Variants in PHKG2 observed in about 807,000 individuals in gnomAD.
The protein encoded by PHKG2 is phosphorylase b kinase gamma catalytic chain, liver/testis isoform.
A neutral mutation model predicts 44.5 loss-of-function variants in PHKG2; 28 were observed. That is an observed-to-expected ratio of 0.63 (90% CI 0.47 to 0.86). The LOEUF is 0.86. Ranked by LOEUF, PHKG2 falls within the 40% of genes least tolerant of loss-of-function variation. The pLI, the probability that PHKG2 is intolerant of heterozygous loss-of-function variation, is 0.00. For synonymous variants in PHKG2, 220 were observed against 211.2 expected, an observed-to-expected ratio of 1.04 and a Z score of -0.36; for missense variants, 498 against 547.5, an observed-to-expected ratio of 0.91 and a Z score of 0.90.
chr16:30,751,531 C>G lies in PHKG2; in HGVS notation c.272-18C>G. The G allele has an allele frequency of 6.2e-7, 1 of 1,609,866 alleles. No homozygotes were observed. Among genetic ancestry groups the G allele is most frequent in the Non-Finnish European group, 8.5e-7 (1 of 1,176,086 alleles). ...CCTTTCCATCTCTGTCTCTCTGCCT[C>G]TCTTCCTCTCTCCCTAGTCACCCTC... On this transcript the variant is annotated intron_variant, in intron 3 of 9. Transcript: ENST00000563588.
In PHKG2 at chr16:30,758,072, C is replaced by CTT. The variant is rs374158229; in HGVS notation, c.*991_*992dup. On this transcript the variant is annotated 3_prime_UTR_variant, in exon 10 of 10. Coordinates refer to ENST00000563588, the MANE Select transcript of PHKG2 (RefSeq NM_000294.3). ...TGGCTGTTATTGTCATTGGCTTTCT[C>CTT]TTTTTTTTTTTTTTTTTGAGATGGA... 123 of 140,226 alleles carry CTT rather than the reference C, an allele frequency of 8.8e-4. No homozygotes were observed. The highest frequency in any genetic ancestry group is 3.0e-3 in the African/African-American group (114 of 38,136). The allele number at this position is 140,226 out of a possible 1,614,324, so 8.7% of individuals were successfully genotyped here. A position where few individuals can be genotyped will look rare whatever the true frequency, so the allele number is the denominator to read the frequency against.
In PHKG2 at chr16:30,753,442, C is replaced by A. The variant is rs774068311; in HGVS notation, c.441C>A (p.Asn147Lys). The change falls in exon 6 of 10, where the codon AAC becomes AAA. Residue 147 changes from asparagine to lysine, a missense_variant. Transcript: ENST00000563588. ...AAGCAGTGAGCTTTCTCCATGCCAA[C>A]AACATTGTGCATCGAGATCTGAAGC... ...LLEAVSFLHA[N>K]NIVHRDLKPE... 2.3e-5 allele frequency: 37 copies of A among 1,614,068 alleles called. No homozygotes were observed. Among genetic ancestry groups the A allele is most frequent in the Non-Finnish European group, 3.1e-5 (36 of 1,180,048 alleles).
Position 30,756,735 on chromosome 16 carries a change from G to A in PHKG2, c.927+20G>A. Reference sequence around the variant, plus strand: ...TTCCGGGTAAGCCTGAGTGTATCAGGGTCTGGGCCCGTTTCTCTGTCCCAT... The same window carrying A: ...TTCCGGGTAAGCCTGAGTGTATCAGAGTCTGGGCCCGTTTCTCTGTCCCAT... On this transcript the variant is annotated intron_variant, in intron 9 of 9. Coordinates refer to ENST00000563588, the MANE Select transcript of PHKG2 (RefSeq NM_000294.3). The A allele has an allele frequency of 6.2e-7, 1 of 1,613,976 alleles. No homozygotes were observed. The highest frequency in any genetic ancestry group is 8.5e-7 in the Non-Finnish European group (1 of 1,179,978).
At position 30,759,943 on chromosome 16, in the gene PHKG2, G is replaced by A. The variant is rs1051625735; in HGVS notation, c.*2846G>A. 24 of 1,441,928 alleles carry A rather than the reference G, an allele frequency of 1.7e-5. No individual in the cohort carries two copies. The highest frequency in any genetic ancestry group is 5.5e-5 in the Admixed American group (2 of 36,040). The allele number at this position is 1,441,928 out of a possible 1,614,324, so 89.3% of individuals were successfully genotyped here. ...AAGACAGACAAGGTCCTGCCCTTAC[G>A]AAGCTTATATTCTAGGGGAATAAAC... On this transcript the variant is annotated 3_prime_UTR_variant, in exon 10 of 10. Coordinates refer to ENST00000563588, the MANE Select transcript of PHKG2 (RefSeq NM_000294.3).
At position 30,758,943 on chromosome 16, in the gene PHKG2, T is replaced by C; in HGVS notation, c.*1846T>C. On this transcript the variant is annotated 3_prime_UTR_variant, in exon 10 of 10. Coordinates refer to ENST00000563588, the MANE Select transcript of PHKG2 (RefSeq NM_000294.3). Reference sequence around the variant, plus strand: ...AAAAACAAAAAGTCTGAAGTCCTGATGTCATCCAAACCCTTCATTCTACAC... The same window carrying C: ...AAAAACAAAAAGTCTGAAGTCCTGACGTCATCCAAACCCTTCATTCTACAC... 1 of 1,591,552 alleles carries C rather than the reference T, an allele frequency of 6.3e-7. No individual in the cohort carries two copies. Among genetic ancestry groups the C allele is most frequent in the South Asian group, 1.1e-5 (1 of 88,518 alleles).
At position 30,757,925 on chromosome 16, in the gene PHKG2, T is replaced by C. The variant is rs1326132565; in HGVS notation, c.*828T>C. ...TATTTAACCTATCTGTGCCTCAGTTTCCTTGTATGAAATGTGGATAGTGAT... is the reference window on the plus strand; with the variant it reads ...TATTTAACCTATCTGTGCCTCAGTTCCCTTGTATGAAATGTGGATAGTGAT... On this transcript the variant is annotated 3_prime_UTR_variant, in exon 10 of 10. Transcript: ENST00000563588. The C allele has an allele frequency of 2.6e-6, 2 of 776,058 alleles. No homozygotes were observed. Among genetic ancestry groups the C allele is most frequent in the South Asian group, 5.4e-5 (2 of 37,138 alleles). 48.1% of individuals were successfully genotyped at this position (776,058 alleles called of 1,614,324 possible). A position where few individuals can be genotyped will look rare whatever the true frequency, so the allele number is the denominator to read the frequency against.
chr16:30,757,112 G>A lies in PHKG2; in HGVS notation c.*15G>A, dbSNP rs1804159. 2.7e-5 allele frequency: 44 copies of A among 1,612,624 alleles called. 2 individuals carry two copies. The South Asian group carries it at 4.5e-4, about 16-fold the overall frequency. ...TGCTGGGCTAGGACCTCAACCCCAG[G>A]GATTCCCAGGAAGCAGAACTCTCCA... is the stretch of plus-strand genomic sequence containing the variant. On this transcript the variant is annotated 3_prime_UTR_variant, in exon 10 of 10. Transcript: ENST00000563588.
In PHKG2 at chr16:30,760,737, C is replaced by T. The variant is rs1022094366; in HGVS notation, c.*3640C>T. 9 of 1,425,598 alleles carry T rather than the reference C, an allele frequency of 6.3e-6. No individual in the cohort carries two copies. In the South Asian group the frequency reaches 8.6e-5, roughly 14 times the overall value. 88.3% of individuals were successfully genotyped at this position (1,425,598 alleles called of 1,614,324 possible). A position where few individuals can be genotyped will look rare whatever the true frequency, so the allele number is the denominator to read the frequency against. On this transcript the variant is annotated 3_prime_UTR_variant, in exon 10 of 10. Transcript: ENST00000563588. Reference sequence around the variant, plus strand: ...CATGACAAGGCTGTGACAGCTAGTGCGTGAGACTGGGAGTTGGCCACCGGC... The same window carrying T: ...CATGACAAGGCTGTGACAGCTAGTGTGTGAGACTGGGAGTTGGCCACCGGC...
At position 30,758,970 on chromosome 16, in the gene PHKG2, T is replaced by G; in HGVS notation, c.*1873T>G. 9 of 1,612,012 alleles carry G rather than the reference T, an allele frequency of 5.6e-6. No individual in the cohort carries two copies. The highest frequency in any genetic ancestry group is 7.6e-6 in the Non-Finnish European group (9 of 1,179,074). On this transcript the variant is annotated 3_prime_UTR_variant, in exon 10 of 10. Coordinates refer to ENST00000563588, the MANE Select transcript of PHKG2 (RefSeq NM_000294.3). ...TCATCCAAACCCTTCATTCTACACC[T>G]GCTCAGAGGGACAGGGCAGCCTGCC... is the stretch of plus-strand genomic sequence containing the variant.
chr16:30,748,455 T>C lies in PHKG2; in HGVS notation c.-54T>C. ...CAGGCAAACCCGGCGACAGCGCAGC[T>C]CGCGTCGACCCTGGCTCCTCTGCCT... On this transcript the variant is annotated 5_prime_UTR_variant, in exon 1 of 10. Coordinates refer to ENST00000563588, the MANE Select transcript of PHKG2 (RefSeq NM_000294.3). 3.3e-6 allele frequency: 1 copy of C among 301,502 alleles called. No individual in the cohort carries two copies. Among genetic ancestry groups the C allele is most frequent in the Non-Finnish European group, 6.3e-6 (1 of 159,472 alleles). 18.7% of individuals were successfully genotyped at this position (301,502 alleles called of 1,614,324 possible).
rs746809628 is a variant in PHKG2, at chr16:30,756,916, G to A, written c.1040G>A (p.Arg347Gln). ...GACCCTTATGCGCTGCGGTCAGTGCGGCACCTCATCGACAACTGTGCCTTC... is the reference window on the plus strand; with the variant it reads ...GACCCTTATGCGCTGCGGTCAGTGCAGCACCTCATCGACAACTGTGCCTTC... ...LRDPYALRSV[R>Q]HLIDNCAFRL... Residue 347 changes from arginine (R) to glutamine (Q), a missense_variant, in exon 10 of 10, where the codon CGG becomes CAG. Coordinates refer to ENST00000563588, the MANE Select transcript of PHKG2 (RefSeq NM_000294.3). 20 of 1,613,906 alleles carry A rather than the reference G, an allele frequency of 1.2e-5. 1 individual carries two copies. The highest frequency in any genetic ancestry group is 2.2e-5 in the East Asian group (1 of 44,876).
In PHKG2 at chr16:30,757,416, A is replaced by C. The variant is rs1409430064; in HGVS notation, c.*319A>C. On this transcript the variant is annotated 3_prime_UTR_variant, in exon 10 of 10. Coordinates refer to ENST00000563588, the MANE Select transcript of PHKG2 (RefSeq NM_000294.3). ...GGGCAGGAAAGCCCAGAAGGTGCTC[A>C]GCAGGGTGCAGGGATGGTGCCATTC... 3.8e-6 allele frequency: 6 copies of C among 1,568,408 alleles called. No individual in the cohort carries two copies. In the Admixed American group the frequency reaches 1.1e-4, roughly 28 times the overall value.
chr16:30,759,912 C>T lies in PHKG2; in HGVS notation c.*2815C>T. On this transcript the variant is annotated 3_prime_UTR_variant, in exon 10 of 10. Transcript: ENST00000563588. ...TATGCCCACTGTATGGTTTTCGGCA[C>T]TGAACAAGACAGACAAGGTCCTGCC... 2 of 1,438,808 alleles carry T rather than the reference C, an allele frequency of 1.4e-6. No homozygotes were observed. The highest frequency in any genetic ancestry group is 1.8e-6 in the Non-Finnish European group (2 of 1,100,460). 89.1% of individuals were successfully genotyped at this position (1,438,808 alleles called of 1,614,324 possible).
In PHKG2 at chr16:30,748,784, G is replaced by A; in HGVS notation, c.-18-19G>A. The A allele has an allele frequency of 6.7e-7, 1 of 1,481,854 alleles. No individual in the cohort carries two copies. The highest frequency in any genetic ancestry group is 1.4e-5 in the African/African-American group (1 of 71,180). 91.8% of individuals were successfully genotyped at this position (1,481,854 alleles called of 1,614,324 possible). On this transcript the variant is annotated intron_variant, in intron 1 of 9. Coordinates refer to ENST00000563588, the MANE Select transcript of PHKG2 (RefSeq NM_000294.3). ...GCCTGTGGGCCTCCCTGCCCTCACT[G>A]CCCTCCTCCTCCGCGCAGGCCCCCG...
chr16:30,749,267 G>C (rs1298291314), intron 2 of PHKG2, among the ~76,000 whole-genome samples: 1 of 44,634 alleles, frequency 2.2e-5, no homozygotes, highest in Non-Finnish European at 4.5e-5. Context: ...GCTGGTGGTG[G>C]TGGTGTGTGT....
intron 1 of PHKG2, 107 bp from the exon 2 acceptor site, chr16:30,748,694 CAG>C: frequency 7.1e-6 from 3 of 422,862 alleles, no homozygotes; most frequent in Admixed American, 3.1e-5. Flanking sequence ...CCCCACCCCC[CAG>C]GACCCTGGCG....
At chr16:30,755,685 A>G (rs988724621) in intron 6 of PHKG2, among the ~76,000 whole-genome samples, 1 of 152,210 alleles carries the variant, frequency 6.6e-6, no homozygotes, top group African/African-American at 2.4e-5. Flanking sequence ...CCAAAAAAAA[A>G]AGAAAAGAAA....
rs766949870 is a variant in PHKG2 at position 30,753,266 on chromosome 16, G to C, written c.361G>C (p.Glu121Gln). ...GGGAGAGCTGTTTGACTATCTCACAGAGAAGGTGGCCCTCTCTGAAAAGGA... is the reference window on the plus strand; with the variant it reads ...GGGAGAGCTGTTTGACTATCTCACACAGAAGGTGGCCCTCTCTGAAAAGGA... ...RKGELFDYLT[E>Q]KVALSEKETR... Residue 121 changes from glutamate to glutamine, a missense_variant, in exon 5 of 10, where the codon GAG becomes CAG. Coordinates refer to ENST00000563588, the MANE Select transcript of PHKG2 (RefSeq NM_000294.3). 4.3e-6 allele frequency: 7 copies of C among 1,614,128 alleles called. No homozygotes were observed. Among genetic ancestry groups the C allele is most frequent in the Non-Finnish European group, 5.9e-6 (7 of 1,180,002 alleles).
rs1375375478 is a variant in PHKG2, at chr16:30,759,946, G to A, written c.*2849G>A. ...ACAGACAAGGTCCTGCCCTTACGAA[G>A]CTTATATTCTAGGGGAATAAACCAA... is the stretch of plus-strand genomic sequence containing the variant. On this transcript the variant is annotated 3_prime_UTR_variant, in exon 10 of 10. Transcript: ENST00000563588. The A allele has an allele frequency of 1.4e-6, 2 of 1,443,390 alleles. No individual in the cohort carries two copies. Among genetic ancestry groups the A allele is most frequent in the Admixed American group, 5.5e-5 (2 of 36,236 alleles). The allele number at this position is 1,443,390 out of a possible 1,614,324, so 89.4% of individuals were successfully genotyped here. A position where few individuals can be genotyped will look rare whatever the true frequency, so the allele number is the denominator to read the frequency against.
Sources: gnomAD v4.1 joint callset for allele counts (sites outside exome capture counted in the v4.1 genomes callset) on GRCh38, gnomAD v4.1.1 for gene constraint, MANE v1.5 for transcripts, NCBI Gene and HGNC (gene_info 2026-07-23, HGNC 2026-07-21) for gene names.